Variants in KCNQ1 observed in about 807,000 individuals in gnomAD.
KCNQ1 encodes the protein potassium voltage-gated channel subfamily KQT member 1.
A neutral mutation model predicts 72.4 loss-of-function variants in KCNQ1; 49 were observed. The ratio of observed to expected loss-of-function variants is 0.68; its 90% CI spans 0.54 to 0.86. The LOEUF (loss-of-function observed/expected upper bound fraction) is 0.86. Ranked by LOEUF, KCNQ1 falls within the 40% of genes least tolerant of loss-of-function variation. The probability of loss-of-function intolerance (pLI) is 0.00; values close to 1 mark genes in which losing one functional copy is unlikely to be tolerated. For synonymous variants in KCNQ1, 450 were observed against 412.6 expected (o/e 1.09, Z -1.10); for missense variants, 790 against 945.1 (o/e 0.84, Z 2.15).
intron 15 of KCNQ1, among the ~76,000 whole-genome samples, chr11:2,802,251 C>T (rs868219191): frequency 4.6e-5 from 7 of 152,334 alleles, no homozygotes; most frequent in South Asian, 4.1e-4. Flanking sequence ...TCTGTCCTCA[C>T]AGTGACAGAG....
Position 2,790,712 on chromosome 11 carries a change from C to T in KCNQ1, c.1794+12675C>T, listed in dbSNP as rs565956020. ...GTGGAGGGGACAGGCACCATTATGCCGATCGCTCGCGTGCAAAGGCCCTGT... is the reference window on the plus strand; with the variant it reads ...GTGGAGGGGACAGGCACCATTATGCTGATCGCTCGCGTGCAAAGGCCCTGT... On this transcript the variant is annotated intron_variant, in intron 15 of 15. Transcript: ENST00000155840. 1.2e-4 allele frequency among the ~76,000 whole-genome samples: 19 copies of T among 152,326 alleles called. No homozygotes were observed. The East Asian group carries it at 1.4e-3, about 11-fold the overall frequency.
rs1351753029 is a variant in KCNQ1, at chr11:2,671,740, A to G, written c.1514+9659A>G. ...GGTAGGCAAGGCTTTTCAGAGAACA[A>G]GGAGCTACATACACATACATGCATG... On this transcript the variant is annotated intron_variant, in intron 11 of 15. Coordinates refer to ENST00000155840, the MANE Select transcript of KCNQ1 (RefSeq NM_000218.3). This position sits in a 1 kb window ranked among gnomAD's most constrained non-coding sequence, Gnocchi z 4.7. 2 of 398,576 alleles carry G rather than the reference A, an allele frequency of 5.0e-6. No homozygotes were observed. The highest frequency in any genetic ancestry group is 8.8e-6 in the Non-Finnish European group (2 of 226,112). The allele number at this position is 398,576 out of a possible 1,614,324, so 24.7% of individuals were successfully genotyped here.
chr11:2,694,031 G>A, intron 11 of KCNQ1: 1 of 398,706 alleles, frequency 2.5e-6, no homozygotes, highest in Non-Finnish European at 4.4e-6. Flanking sequence ...AGCCACAGGT[G>A]CCCATGCCAT....
chr11:2,847,431 G>C (rs188158695), intron 15 of KCNQ1, among the ~76,000 whole-genome samples: 1 of 152,352 alleles, frequency 6.6e-6, no homozygotes, highest in East Asian at 1.9e-4. Context: ...GCCATGCGGG[G>C]ATGTGGCACA....
chr11:2,809,265 C>T lies in KCNQ1; in HGVS notation c.1794+31228C>T, dbSNP rs1847439527. 1.3e-5 allele frequency among the ~76,000 whole-genome samples: 2 copies of T among 152,138 alleles called. No homozygotes were observed. Among genetic ancestry groups the T allele is most frequent in the South Asian group, 4.2e-4 (2 of 4,818 alleles). On this transcript the variant is annotated intron_variant, in intron 15 of 15. Coordinates refer to ENST00000155840, the MANE Select transcript of KCNQ1 (RefSeq NM_000218.3). This position sits in a 1 kb window ranked among gnomAD's most constrained non-coding sequence, Gnocchi z 7.1. ...TGAATTCAGATAAATGTTTCTTCAC[C>T]AAAAGAGAAATTCATTTCTAAATGT... is the stretch of plus-strand genomic sequence containing the variant.
chr11:2,698,512 G>A lies in KCNQ1; in HGVS notation c.1514+36431G>A. The stretch of plus-strand genomic sequence containing the variant: ...TTCTACCACTACCTCTCACCTGGCA[G>A]GTGATCACCACCCCCAACTCAGACT... On this transcript the variant is annotated intron_variant, in intron 11 of 15. Transcript: ENST00000155840. This position sits in a 1 kb window ranked among gnomAD's most constrained non-coding sequence, Gnocchi z 5.1. 2.5e-6 allele frequency: 1 copy of A among 398,492 alleles called. No homozygotes were observed. Among genetic ancestry groups the A allele is most frequent in the Non-Finnish European group, 4.4e-6 (1 of 226,060 alleles). The allele number at this position is 398,492 out of a possible 1,614,324, so 24.7% of individuals were successfully genotyped here.
In KCNQ1 at chr11:2,498,737, A is replaced by G. The variant is rs1445264579; in HGVS notation, c.387-29191A>G. Among the ~76,000 whole-genome samples the G allele has an allele frequency of 6.6e-6, 1 of 152,200 alleles. No homozygotes were observed. Among genetic ancestry groups the G allele is most frequent in the Non-Finnish European group, 1.5e-5 (1 of 68,034 alleles). ...TTCCAGGCACCACTGGGGTACAGAA[A>G]AAACTCCTGCAGCTAGTTCAATGTC... On this transcript the variant is annotated intron_variant, in intron 1 of 15. Coordinates refer to ENST00000155840, the MANE Select transcript of KCNQ1 (RefSeq NM_000218.3). This position sits in a 1 kb window ranked among gnomAD's most constrained non-coding sequence, Gnocchi z 4.8.
chr11:2,524,306 G>C (rs530780223), intron 1 of KCNQ1, among the ~76,000 whole-genome samples: 1 of 152,292 alleles, frequency 6.6e-6, no homozygotes, highest in East Asian at 1.9e-4. Flanking sequence ...CCAGGGCCCA[G>C]CCTCCAGGGA....
In KCNQ1 at chr11:2,622,000, G is replaced by T. The variant is rs1849181466; in HGVS notation, c.1393+33146G>T. ...TCTCTTCTTTTTTAATGTAGGCAAG[G>T]CATTTATTGCTGTAAACTTCCCTCT... is the stretch of plus-strand genomic sequence containing the variant. On this transcript the variant is annotated intron_variant, in intron 10 of 15. Transcript: ENST00000155840. This position sits in a 1 kb window ranked among gnomAD's most constrained non-coding sequence, Gnocchi z 5.7. 1 of 398,224 alleles carries T rather than the reference G, an allele frequency of 2.5e-6. No individual in the cohort carries two copies. The allele number at this position is 398,224 out of a possible 1,614,324, so 24.7% of individuals were successfully genotyped here.
intron 11 of KCNQ1, among the ~76,000 whole-genome samples, chr11:2,706,164 CTAAT>C (rs1263231825): frequency 6.6e-6 from 1 of 152,240 alleles, no homozygotes; most frequent in African/African-American, 2.4e-5. Context: ...TAATTCCCCT[CTAAT>C]TAAGTTTTGG....
intron 12 of KCNQ1, chr11:2,771,249 T>C (rs1846593956): frequency 6.6e-6 from 1 of 152,400 alleles, no homozygotes; most frequent in African/African-American, 2.4e-5. Flanking sequence ...GTGGGCAGCT[T>C]CCAGCTCAGG....
intron 15 of KCNQ1, among the ~76,000 whole-genome samples, chr11:2,840,649 CTGTG>C (rs1372419312): frequency 6.6e-6 from 1 of 152,138 alleles, no homozygotes; most frequent in Non-Finnish European, 1.5e-5. Flanking sequence ...AGTAAGACCT[CTGTG>C]TGGCAAAACA....
chr11:2,693,355 G>A (rs896878929), intron 11 of KCNQ1: 1 of 398,710 alleles, frequency 2.5e-6, no homozygotes, highest in Non-Finnish European at 4.4e-6. Flanking sequence ...GACCCTGGGT[G>A]GGGGCCGAGT....
At chr11:2,665,623 T>C (rs925013740) in intron 11 of KCNQ1, 2 of 397,506 alleles carry the variant, frequency 5.0e-6, no homozygotes, top group Non-Finnish European at 8.9e-6. Context: ...GCTGTACGGC[T>C]GTGTCCTCCT....
In KCNQ1 at chr11:2,651,359, A is replaced by T; in HGVS notation, c.1394-10602A>T. On this transcript the variant is annotated intron_variant, in intron 10 of 15. Transcript: ENST00000155840. This position sits in a 1 kb window ranked among gnomAD's most constrained non-coding sequence, Gnocchi z 6.1. ...AGCGGCTGAGAGAGCTGGGGTATTT[A>T]TCTTTCACTAGTGAGTGCTGCCCCG... 1 of 398,710 alleles carries T rather than the reference A, an allele frequency of 2.5e-6. No individual in the cohort carries two copies. The highest frequency in any genetic ancestry group is 4.4e-6 in the Non-Finnish European group (1 of 226,120). The allele number at this position is 398,710 out of a possible 1,614,324, so 24.7% of individuals were successfully genotyped here.
In KCNQ1 at chr11:2,471,851, G is replaced by GGT. The variant is rs375180935; in HGVS notation, c.386+26376_386+26377dup. 4.0e-5 allele frequency among the ~76,000 whole-genome samples: 6 copies of GGT among 150,850 alleles called. No individual in the cohort carries two copies. The South Asian group carries it at 1.0e-3, about 26-fold the overall frequency. ...GTGCGTGTGCACCTATGTGTGTATA[G>GGT]GTGTGTGTGTTTATGTATGGGTGTG... is the stretch of plus-strand genomic sequence containing the variant. On this transcript the variant is annotated intron_variant, in intron 1 of 15. Transcript: ENST00000155840. The surrounding 1 kb of genome is among the most constrained non-coding windows in gnomAD (Gnocchi z 4.8).
rs141041951 is a variant in KCNQ1 at position 2,681,604 on chromosome 11, G to A, written c.1514+19523G>A. ...AAGTTTCTAGCTTGCTTGCTCACTC[G>A]CTCTCCCCACCCCCACCCAACCTCC... On this transcript the variant is annotated intron_variant, in intron 11 of 15. Transcript: ENST00000155840. 5.8e-4 allele frequency: 231 copies of A among 397,996 alleles called. 2 individuals carry two copies. In the East Asian group the frequency reaches 7.3e-3, roughly 13 times the overall value. The allele number at this position is 397,996 out of a possible 1,614,324, so 24.7% of individuals were successfully genotyped here.
intron 10 of KCNQ1, chr11:2,638,408 G>T (rs1264664010): frequency 6.6e-6 from 1 of 152,134 alleles, no homozygotes; most frequent in African/African-American, 2.4e-5. Flanking sequence ...TGTCTATAAA[G>T]GATTTTATTT....
At chr11:2,776,159 G>T in intron 13 of KCNQ1, 105 bp downstream of exon 13, 1 of 996,844 alleles carries the variant, frequency 1.0e-6, no homozygotes, top group South Asian at 1.5e-5. Flanking sequence ...GAGACCCTGA[G>T]TTCTTGCCTC....
Sources: gnomAD v4.1 joint callset for allele counts (sites outside exome capture counted in the v4.1 genomes callset) on GRCh38, gnomAD v4.1.1 for gene constraint, Gnocchi (gnomAD v3.1) non-coding constraint, MANE v1.5 for transcripts, NCBI Gene and HGNC (gene_info 2026-07-23, HGNC 2026-07-21) for gene names.